Variants in FGF13 observed in about 807,000 individuals in gnomAD.
The protein encoded by FGF13 is fibroblast growth factor 13, also known as fibroblast growth factor homologous factor 2.
Under a neutral mutation model 19.5 loss-of-function variants are expected in FGF13, and 2 were observed. That is an observed-to-expected ratio of 0.10 (90% CI 0.04 to 0.32). FGF13 has a LOEUF of 0.32. Ranked by LOEUF, FGF13 falls within the 10% of genes least tolerant of loss-of-function variation. The pLI, the probability that FGF13 is intolerant of heterozygous loss-of-function variation, is 1.00. For missense variants in FGF13, 113 were observed against 192.7 expected (o/e 0.59, Z 2.45); for synonymous variants, 72 against 76.9 (o/e 0.94, Z 0.33).
chrX:139,156,542 A>C (rs1160248243), intron 1 of FGF13, among the ~76,000 whole-genome samples: 1 of 112,863 alleles, frequency 8.9e-6, no homozygotes. Context: ...ATGTGGCAAG[A>C]AACTGAGTGT....
intron 3 of FGF13, among the ~76,000 whole-genome samples, chrX:138,685,364 G>A (rs938607762): frequency 2.7e-5 from 3 of 110,590 alleles, no homozygotes; most frequent in African/African-American, 9.8e-5. Flanking sequence ...TGGTTTCTTG[G>A]CCAGCACCCC....
intron 1 of FGF13, among the ~76,000 whole-genome samples, chrX:139,159,018 C>A (rs1455993641): frequency 9.0e-6 from 1 of 111,471 alleles, no homozygotes; most frequent in Non-Finnish European, 1.9e-5. Flanking sequence ...CCCCAAGACA[C>A]ATAATCATCA....
chrX:138,965,427 A>G (rs1270842729), intron 1 of FGF13, among the ~76,000 whole-genome samples: 1 of 112,265 alleles, frequency 8.9e-6, no homozygotes, highest in African/African-American at 3.2e-5. Context: ...TGCTAAATTA[A>G]TGAAGGAATA....
At chrX:138,873,112 C>T (rs911646693) in intron 1 of FGF13, among the ~76,000 whole-genome samples, 7 of 111,861 alleles carry the variant, frequency 6.3e-5, no homozygotes, top group African/African-American at 2.3e-4. Context: ...GAATCATGGC[C>T]TTCATAGTAT....
intron 1 of FGF13, among the ~76,000 whole-genome samples, chrX:139,020,195 C>G (rs2092172407): frequency 9.0e-6 from 1 of 111,524 alleles, no homozygotes; most frequent in Non-Finnish European, 1.9e-5. Context: ...CCAGCAAAAT[C>G]AGCCTAATGT....
chrX:138,692,069 G>C (rs1243131818), intron 3 of FGF13, among the ~76,000 whole-genome samples: 1 of 111,275 alleles, frequency 9.0e-6, no homozygotes, highest in Non-Finnish European at 1.9e-5. Flanking sequence ...TTGTGTCTCA[G>C]TAATTCACTT....
chrX:139,146,642 T>A (rs1379768871), intron 1 of FGF13, among the ~76,000 whole-genome samples: 2 of 112,172 alleles, frequency 1.8e-5, no homozygotes, highest in Non-Finnish European at 3.8e-5. Flanking sequence ...GGACTATAAA[T>A]CATGCTGCTA....
intron 1 of FGF13, among the ~76,000 whole-genome samples, chrX:139,140,057 G>C: frequency 1.8e-5 from 2 of 111,050 alleles, no homozygotes; most frequent in Middle Eastern, 4.6e-3. Flanking sequence ...TCTTCAACAA[G>C]ATCATCCATA....
intron 1 of FGF13, among the ~76,000 whole-genome samples, chrX:139,020,528 G>A (rs899113596): frequency 1.1e-4 from 12 of 110,897 alleles, no homozygotes; most frequent in Admixed American, 2.9e-4. Flanking sequence ...CACCCACTCC[G>A]TATTATGGGG....
intron 1 of FGF13, among the ~76,000 whole-genome samples, chrX:138,998,041 A>C (rs1346236419): frequency 8.9e-6 from 1 of 112,106 alleles, no homozygotes; most frequent in Non-Finnish European, 1.9e-5. Context: ...ACATTCTTAA[A>C]GAAAAGAATT....
intron 1 of FGF13, among the ~76,000 whole-genome samples, chrX:139,060,036 G>A (rs1169232925): frequency 9.0e-6 from 1 of 111,309 alleles, no homozygotes; most frequent in East Asian, 2.8e-4. Flanking sequence ...ATCACCACTT[G>A]GTATTATTCT....
intron 1 of FGF13, among the ~76,000 whole-genome samples, chrX:139,200,340 T>C (rs1006074523): frequency 2.7e-5 from 3 of 112,357 alleles, no homozygotes; most frequent in Admixed American, 1.9e-4. Context: ...CATTCAGGAC[T>C]CAAGCCTAGA....
intron 1 of FGF13, among the ~76,000 whole-genome samples, chrX:139,151,994 C>G (rs1226753213): frequency 9.0e-6 from 1 of 111,213 alleles, no homozygotes. Flanking sequence ...TCCAGAAAGG[C>G]TCCTTAGGGG....
chrX:138,828,526 C>T (rs1450109023), intron 3 of FGF13, among the ~76,000 whole-genome samples: 2 of 104,821 alleles, frequency 1.9e-5, no homozygotes, highest in Non-Finnish European at 2.0e-5. Flanking sequence ...GCCGAGATCG[C>T]GCCACTGCAC....
At chrX:138,908,477 T>C (rs1394773505) in intron 1 of FGF13, among the ~76,000 whole-genome samples, 2 of 108,932 alleles carry the variant, frequency 1.8e-5, no homozygotes, top group African/African-American at 6.8e-5. Context: ...ATTTTTGTCA[T>C]CTATTACTTC....
At chrX:138,759,319 C>T (rs942810339) in intron 3 of FGF13, among the ~76,000 whole-genome samples, 2 of 112,318 alleles carry the variant, frequency 1.8e-5, no homozygotes, top group African/African-American at 6.5e-5. Context: ...GGGCTTATTT[C>T]AAACTGGTTG....
intron 1 of FGF13, among the ~76,000 whole-genome samples, chrX:139,167,728 A>G (rs1156732642): frequency 8.9e-6 from 1 of 112,304 alleles, no homozygotes. Context: ...TGATTCAGAA[A>G]TAAATATGGC....
chrX:139,065,377 A>C (rs1056976607), intron 1 of FGF13, among the ~76,000 whole-genome samples: 1 of 109,348 alleles, frequency 9.1e-6, no homozygotes, highest in Non-Finnish European at 1.9e-5. Context: ...ATAAAGAGTC[A>C]AGACCCATTG....
chrX:138,854,336 A>C (rs1273902227), downstream of FGF13, among the ~76,000 whole-genome samples: 17 of 112,005 alleles, frequency 1.5e-4, no homozygotes, highest in Admixed American at 1.6e-3. Flanking sequence ...GGTATTGGCA[A>C]AGTGTAATTT....
Sources: allele counts gnomAD v4.1 joint callset (sites outside exome capture counted in the v4.1 genomes callset), GRCh38; gene constraint gnomAD v4.1.1; transcripts MANE v1.5; gene names NCBI Gene and HGNC (gene_info 2026-07-23, HGNC 2026-07-21).